Variants in VPS13B observed in about 807,000 individuals in gnomAD.
VPS13B encodes intermembrane lipid transfer protein VPS13B.
Under a neutral mutation model 426.4 loss-of-function variants are expected in VPS13B, and 285 were observed. The ratio of observed to expected loss-of-function variants is 0.67; its 90% CI spans 0.61 to 0.74. The LOEUF (loss-of-function observed/expected upper bound fraction) is 0.74. Ranked by LOEUF, VPS13B falls within the 30% of genes least tolerant of loss-of-function variation. VPS13B has a pLI of 0.00. For synonymous variants in VPS13B, 1,676 were observed against 1,676.4 expected (o/e 1.00, Z 0.01); for missense variants, 4,537 against 4,782.6 (o/e 0.95, Z 1.51).
intron 29 of VPS13B, among the ~76,000 whole-genome samples, chr8:99,517,315 G>T (rs1280684094): frequency 6.6e-6 from 1 of 152,042 alleles, no homozygotes; most frequent in East Asian, 1.9e-4. Context: ...TCAAGCTATT[G>T]GTTACTGATA....
At chr8:99,432,905 C>T (rs1817188289) in intron 22 of VPS13B, among the ~76,000 whole-genome samples, 1 of 152,164 alleles carries the variant, frequency 6.6e-6, no homozygotes, top group African/African-American at 2.4e-5. Flanking sequence ...AGTTACCATA[C>T]TGTATTCAGA....
chr8:99,171,282 A>T lies in VPS13B; in HGVS notation c.2333+1119A>T, dbSNP rs537103480. On this transcript the variant is annotated intron_variant, in intron 16 of 61. Transcript: ENST00000357162. ...TAGCATACATGGTATGTTGCATTTG[A>T]GTCAAGTTTTATATTCTGATCTATT... Among the ~76,000 whole-genome samples the T allele has an allele frequency of 1.6e-4, 24 of 152,026 alleles. No homozygotes were observed. In the East Asian group the frequency reaches 4.4e-3, roughly 28 times the overall value.
At chr8:99,649,891 G>A (rs1588586968) in intron 34 of VPS13B, among the ~76,000 whole-genome samples, 1 of 152,110 alleles carries the variant, frequency 6.6e-6, no homozygotes, top group African/African-American at 2.4e-5. Flanking sequence ...CATGAACTGG[G>A]AAATTCATCA....
chr8:99,574,774 C>T (rs1027259788), intron 31 of VPS13B, among the ~76,000 whole-genome samples: 8 of 152,160 alleles, frequency 5.3e-5, no homozygotes, highest in African/African-American at 1.7e-4. Context: ...TAGCCCAGTA[C>T]TTGAACTTCA....
At chr8:99,059,774 C>G (rs1338792586) in intron 3 of VPS13B, among the ~76,000 whole-genome samples, 3 of 147,008 alleles carry the variant, frequency 2.0e-5, no homozygotes, top group Non-Finnish European at 4.5e-5. Flanking sequence ...GCTCTGTCAC[C>G]CAGGCTGCAG....
chr8:99,503,386 G>A (rs559108683), intron 27 of VPS13B, among the ~76,000 whole-genome samples: 141 of 152,182 alleles, frequency 9.3e-4, no homozygotes, highest in Non-Finnish European at 1.6e-3. Context: ...GGTAGCTGTG[G>A]CAATTTTTAA....
chr8:99,399,915 G>A (rs1210977662), intron 21 of VPS13B, among the ~76,000 whole-genome samples: 1 of 151,930 alleles, frequency 6.6e-6, no homozygotes, highest in Non-Finnish European at 1.5e-5. Context: ...GTCCTATCTT[G>A]TTGGATCGTT....
intron 29 of VPS13B, among the ~76,000 whole-genome samples, chr8:99,516,673 AGCTACTCAGGAG>A (rs1426020094): frequency 6.6e-6 from 1 of 151,406 alleles, no homozygotes; most frequent in African/African-American, 2.4e-5. Context: ...TTGTAGTCCC[AGCTACTCAGGAG>A]GCTGAGGTGG....
chr8:99,869,258 G>A (rs973678950), intron 59 of VPS13B, among the ~76,000 whole-genome samples: 7 of 152,196 alleles, frequency 4.6e-5, no homozygotes, highest in African/African-American at 1.2e-4. Flanking sequence ...GCGCCCTCCC[G>A]TTTGTCAGAC....
chr8:99,051,815 T>G (rs1249987617), intron 3 of VPS13B, among the ~76,000 whole-genome samples: 5 of 152,028 alleles, frequency 3.3e-5, no homozygotes, highest in Admixed American at 1.3e-4. Context: ...GTTCACTCAT[T>G]ATTTGTCTTT....
intron 39 of VPS13B, among the ~76,000 whole-genome samples, chr8:99,725,411 A>G (rs891050833): frequency 7.4e-4 from 113 of 152,278 alleles, no homozygotes; most frequent in African/African-American, 2.6e-3. Flanking sequence ...TATGAGCGCA[A>G]ACCCTATTGT....
chr8:99,581,459 C>T (rs1429291550), intron 33 of VPS13B, among the ~76,000 whole-genome samples: 1 of 152,102 alleles, frequency 6.6e-6, no homozygotes, highest in Non-Finnish European at 1.5e-5. Context: ...TATTTTTGCT[C>T]TGAAAAATGT....
At chr8:99,237,332 A>G (rs1816699626) in intron 17 of VPS13B, among the ~76,000 whole-genome samples, 1 of 152,242 alleles carries the variant, frequency 6.6e-6, no homozygotes, top group Non-Finnish European at 1.5e-5. Context: ...TTGATTAAAA[A>G]TGCAAAAACT....
intron 3 of VPS13B, among the ~76,000 whole-genome samples, chr8:99,044,084 C>CTTTTTTTTTTTTTTTTTTTT (rs5893476): frequency 1.4e-4 from 14 of 98,930 alleles, no homozygotes; most frequent in Admixed American, 3.9e-4. Flanking sequence ...TTCTTTCTTT[C>CTTTTTTTTTTTTTTTTTTTT]TTTTTTTTTT....
intron 4 of VPS13B, among the ~76,000 whole-genome samples, chr8:99,101,288 C>T (rs532789998): frequency 4.6e-5 from 7 of 152,146 alleles, no homozygotes; most frequent in East Asian, 1.9e-4. Context: ...CCTGCCACCA[C>T]GCCCGGCTAA....
intron 35 of VPS13B, among the ~76,000 whole-genome samples, chr8:99,669,556 A>G (rs920940917): frequency 9.7e-4 from 148 of 152,320 alleles, no homozygotes; most frequent in African/African-American, 3.3e-3. Flanking sequence ...TAACATGGTT[A>G]TATCAAACAC....
chr8:99,664,544 A>C (rs887620117), intron 35 of VPS13B, among the ~76,000 whole-genome samples: 13 of 150,210 alleles, frequency 8.7e-5, no homozygotes, highest in African/African-American at 2.9e-4. Context: ...TTCAATTCCC[A>C]CCTGTGAGTG....
intron 56 of VPS13B, 66 bp from the exon 57 acceptor site, chr8:99,859,238 T>G (rs1816705463): frequency 6.2e-7 from 1 of 1,603,358 alleles, no homozygotes; most frequent in South Asian, 1.1e-5. Context: ...ATGGGTCACT[T>G]TTTCACAAAT....
intron 33 of VPS13B, among the ~76,000 whole-genome samples, chr8:99,578,850 G>A (rs1255455377): frequency 6.6e-6 from 1 of 152,098 alleles, no homozygotes; most frequent in African/African-American, 2.4e-5. Flanking sequence ...TAGCAAATTG[G>A]TTATTAACTA....
Sources: allele counts gnomAD v4.1 joint callset (sites outside exome capture counted in the v4.1 genomes callset), GRCh38; gene constraint gnomAD v4.1.1; transcripts MANE v1.5; gene names NCBI Gene and HGNC (gene_info 2026-07-23, HGNC 2026-07-21).